The following SLC6A15 variants were observed in gnomAD, a reference collection of about 807,000 sequenced individuals.
The protein encoded by SLC6A15 is solute carrier family 6 member 15.
Under a neutral mutation model 68.5 loss-of-function variants are expected in SLC6A15, and 33 were observed. The ratio of observed to expected loss-of-function variants is 0.48; its 90% CI spans 0.37 to 0.64. The LOEUF is 0.64. SLC6A15 is among the 30% of genes least tolerant of loss of function. SLC6A15 has a pLI of 0.00. For missense variants in SLC6A15, 747 were observed against 874.3 expected, an observed-to-expected ratio of 0.85 and a Z score of 1.84; for synonymous variants, 347 against 301.0, an observed-to-expected ratio of 1.15 and a Z score of -1.58.
intron 1 of SLC6A15, among the ~76,000 whole-genome samples, chr12:84,909,616 C>T (rs896011505): frequency 6.6e-6 from 1 of 152,092 alleles, no homozygotes; most frequent in Non-Finnish European, 1.5e-5. Flanking sequence ...ATACTATCTG[C>T]TGAGAAACCA....
chr12:84,872,296 CAAGA>C (rs1178201637), intron 8 of SLC6A15, among the ~76,000 whole-genome samples: 4 of 151,960 alleles, frequency 2.6e-5, no homozygotes, highest in South Asian at 2.1e-4. Context: ...AAAATTATAG[CAAGA>C]AAGATTTCAG....
At position 84,892,232 on chromosome 12, in the gene SLC6A15, A is replaced by G; in HGVS notation, c.-112T>C. The G allele has an allele frequency of 1.0e-6, 1 of 986,688 alleles. No individual in the cohort carries two copies. Among genetic ancestry groups the G allele is most frequent in the Non-Finnish European group, 1.5e-6 (1 of 683,836 alleles). 61.1% of individuals were successfully genotyped at this position (986,688 alleles called of 1,614,324 possible). A position where few individuals can be genotyped will look rare whatever the true frequency, so the allele number is the denominator to read the frequency against. On this transcript the variant is annotated 5_prime_UTR_variant, in exon 2 of 12. Coordinates refer to ENST00000266682, the MANE Select transcript of SLC6A15 (RefSeq NM_182767.6). ...TGATAGGAAGTAAAGACCGAGGATGATATCAAATAAATCCTTGATTCAAGG... is the reference window on the plus strand; with the variant it reads ...TGATAGGAAGTAAAGACCGAGGATGGTATCAAATAAATCCTTGATTCAAGG...
In SLC6A15 at chr12:84,872,748, G is replaced by A. The variant is rs771334885; in HGVS notation, c.1156C>T (p.Gln386Ter). 6.2e-7 allele frequency: 1 copy of A among 1,607,062 alleles called. No individual in the cohort carries two copies. The highest frequency in any genetic ancestry group is 2.2e-5 in the East Asian group (1 of 44,774). Residue 386 changes from glutamine to a stop codon, truncating the protein, a stop_gained, in exon 8 of 12, where the codon CAG becomes TAG. Transcript: ENST00000266682. LOFTEE classifies it high-confidence loss of function. ...TTGATATGATGGGGAATAATATCCT[G>A]ACTAATGTTCCCCATTTTCAAAAAT... ...MKFLKMGNIS[Q>*]DIIPHHINLS...
rs145046220 is a variant in SLC6A15 at position 84,876,100 on chromosome 12, TG to T, written c.867+396del. 8.4e-4 allele frequency among the ~76,000 whole-genome samples: 126 copies of T among 149,494 alleles called. 1 individual carries two copies. The highest frequency in any genetic ancestry group is 8.7e-4 in the Admixed American group (13 of 14,920). On this transcript the variant is annotated intron_variant, in intron 6 of 11. Coordinates refer to ENST00000266682, the MANE Select transcript of SLC6A15 (RefSeq NM_182767.6). ...AAATTAATATGTTCATTTTTTTTTT[TG>T]GGAAAAAAAATCCTCGTCACTTTTT...
At chr12:84,874,068 CA>C (rs1871408058) in intron 6 of SLC6A15, among the ~76,000 whole-genome samples, 1 of 152,130 alleles carries the variant, frequency 6.6e-6, no homozygotes, top group Non-Finnish European at 1.5e-5. Context: ...TCTTAATAAA[CA>C]GTTCCTTTTG....
Position 84,891,833 on chromosome 12 carries a change from G to T in SLC6A15, c.288C>A (p.Gly96=). The T allele has an allele frequency of 1.9e-6, 3 of 1,606,978 alleles. No homozygotes were observed. The highest frequency in any genetic ancestry group is 2.6e-6 in the Non-Finnish European group (3 of 1,175,732). ...TTATCACTTAAAAAGATTACTTACC[G>T]CCCCCATTCTTCTGACATAGGTATG... ...RFPYLCQKNG[G]GAYLLPYLIL... The change falls in exon 2 of 12, where the codon GGC becomes GGA. Residue 96 remains glycine, a splice_region_variant and synonymous_variant. Coordinates refer to ENST00000266682, the MANE Select transcript of SLC6A15 (RefSeq NM_182767.6).
At chr12:84,899,556 CA>C (rs1288327930) in intron 1 of SLC6A15, among the ~76,000 whole-genome samples, 2 of 152,088 alleles carry the variant, frequency 1.3e-5, no homozygotes, top group African/African-American at 4.8e-5. Flanking sequence ...CCAAGCATCC[CA>C]TTGTTTCTTT....
chr12:84,886,317 A>G (rs1872101386), intron 2 of SLC6A15, among the ~76,000 whole-genome samples: 1 of 152,134 alleles, frequency 6.6e-6, no homozygotes, highest in Admixed American at 6.5e-5. Context: ...CTTTAGCTTA[A>G]ATTTATTTAA....
intron 1 of SLC6A15, among the ~76,000 whole-genome samples, chr12:84,902,009 G>C (rs1872905381): frequency 6.6e-6 from 1 of 151,720 alleles, no homozygotes; most frequent in Non-Finnish European, 1.5e-5. Context: ...ATGCCAATTA[G>C]TTTATAGTTA....
Position 84,892,290 on chromosome 12 carries a change from T to C in SLC6A15, c.-170A>G, listed in dbSNP as rs1872444418. ...GCCTTATGGATTCTGAATCCGTATG[T>C]CCAGTATTCTGTAGGTACCTGTAAA... On this transcript the variant is annotated 5_prime_UTR_variant, in exon 2 of 12. Coordinates refer to ENST00000266682, the MANE Select transcript of SLC6A15 (RefSeq NM_182767.6). 5.1e-6 allele frequency: 3 copies of C among 586,822 alleles called. No homozygotes were observed. In the South Asian group the frequency reaches 8.1e-5, roughly 16 times the overall value. 36.4% of individuals were successfully genotyped at this position (586,822 alleles called of 1,614,324 possible).
At chr12:84,887,904 C>A (rs1872192382) in intron 2 of SLC6A15, among the ~76,000 whole-genome samples, 2 of 151,782 alleles carry the variant, frequency 1.3e-5, no homozygotes, top group African/African-American at 2.4e-5. Flanking sequence ...TAGATATCTA[C>A]CCAAAGGAAG....
intron 1 of SLC6A15, among the ~76,000 whole-genome samples, chr12:84,896,838 A>G (rs1565731410): frequency 6.6e-6 from 1 of 152,166 alleles, no homozygotes; most frequent in Non-Finnish European, 1.5e-5. Context: ...TGAAAGAAAA[A>G]GGTAAGTGGA....
intron 6 of SLC6A15, among the ~76,000 whole-genome samples, 158 bp from the exon 7 acceptor site, chr12:84,873,486 T>G (rs1871380386): frequency 6.6e-6 from 1 of 152,238 alleles, no homozygotes; most frequent in Admixed American, 6.5e-5. Flanking sequence ...AAACATCTAT[T>G]TTTAGGAAAC....
intron 6 of SLC6A15, 29 bp downstream of exon 6, chr12:84,876,468 T>C: frequency 1.8e-6 from 2 of 1,107,862 alleles, no homozygotes; most frequent in Non-Finnish European, 2.7e-6. Context: ...TTCATGATCA[T>C]AAGCCTTAAA....
chr12:84,884,019 T>C lies in SLC6A15; in HGVS notation c.596A>G (p.Gln199Arg). 2 of 1,614,078 alleles carry C rather than the reference T, an allele frequency of 1.2e-6. No homozygotes were observed. Among genetic ancestry groups the C allele is most frequent in the Non-Finnish European group, 1.7e-6 (2 of 1,179,922 alleles). ...SHTFVEPECE[Q>R]SSATTYYWYR... ...CCAGTAATAGGTGGTGGCAGAACTTTGTTCACATTCTGGTTCTACAACTGT... is the reference window on the plus strand; with the variant it reads ...CCAGTAATAGGTGGTGGCAGAACTTCGTTCACATTCTGGTTCTACAACTGT... Residue 199 changes from glutamine (Q) to arginine (R), a missense_variant, in exon 5 of 12, where the codon CAA becomes CGA. Transcript: ENST00000266682.
intron 7 of SLC6A15, 106 bp downstream of exon 7, chr12:84,872,981 C>A: frequency 7.3e-7 from 1 of 1,371,602 alleles, no homozygotes; most frequent in African/African-American, 1.5e-5. Flanking sequence ...TTGTGTCGAA[C>A]TATCACATGT....
rs141879442 is a variant in SLC6A15 at position 84,904,315 on chromosome 12, C to A, written c.-189+8208G>T. Among the ~76,000 whole-genome samples, 10 of 151,246 alleles carry A rather than the reference C, an allele frequency of 6.6e-5. No individual in the cohort carries two copies. In the East Asian group the frequency reaches 1.8e-3, roughly 27 times the overall value. Reference sequence around the variant, plus strand: ...GCATAAGAACAAAGGTATTGATATTCCAGCCCTAGCTGAACAGCCAGGTAA... The same window carrying A: ...GCATAAGAACAAAGGTATTGATATTACAGCCCTAGCTGAACAGCCAGGTAA... On this transcript the variant is annotated intron_variant, in intron 1 of 11. Transcript: ENST00000266682.
rs533779694 is a variant in SLC6A15 at position 84,863,882 on chromosome 12, T to G, written c.1656-281A>C. Among the ~76,000 whole-genome samples the G allele has an allele frequency of 4.6e-5, 7 of 151,868 alleles. No individual in the cohort carries two copies. In the South Asian group the frequency reaches 1.5e-3, roughly 32 times the overall value. On this transcript the variant is annotated intron_variant, in intron 10 of 11. Transcript: ENST00000266682. ...AAAATATTTTCAGTATATTAAAAAT[T>G]TCTTGTCTCTTTTTTAGTAATACAA...
chr12:84,882,241 T>A, intron 5 of SLC6A15: 1 of 985,366 alleles, frequency 1.0e-6, no homozygotes, highest in Non-Finnish European at 1.2e-6. Flanking sequence ...AGGAATCATA[T>A]AAATATGGTT....
Sources: gnomAD v4.1 joint callset for allele counts (sites outside exome capture counted in the v4.1 genomes callset) on GRCh38, gnomAD v4.1.1 for gene constraint, MANE v1.5 for transcripts, NCBI Gene and HGNC (gene_info 2026-07-23, HGNC 2026-07-21) for gene names.